Variants in HSD17B12 observed in about 807,000 individuals in gnomAD.
HSD17B12 encodes hydroxysteroid 17-beta dehydrogenase 12.
A neutral mutation model predicts 39.3 loss-of-function variants in HSD17B12; 32 were observed. That is an observed-to-expected ratio of 0.81 (90% confidence interval 0.61 to 1.09). HSD17B12 has a LOEUF of 1.09. Ranked by LOEUF, HSD17B12 falls within the 50% of genes least tolerant of loss-of-function variation. The pLI is 0.00. For missense variants in HSD17B12, 342 were observed against 382.9 expected, an observed-to-expected ratio of 0.89 and a Z score of 0.89; for synonymous variants, 150 against 146.7, an observed-to-expected ratio of 1.02 and a Z score of -0.16.
chr11:43,768,739 C>G (rs1169154305), intron 3 of HSD17B12, among the ~76,000 whole-genome samples: 1 of 152,172 alleles, frequency 6.6e-6, no homozygotes, highest in Non-Finnish European at 1.5e-5. Context: ...AACAAACATT[C>G]CACAGCACAG....
chr11:43,613,438 C>CG, the HSD17B12 span, among the ~76,000 whole-genome samples: 381 of 150,398 alleles, frequency 2.5e-3, 2 homozygotes, highest in African/African-American at 8.6e-3. Flanking sequence ...AACAAACGAA[C>CG]AACAACAACA....
chr11:43,718,485 T>C (rs112433920), intron 1 of HSD17B12, among the ~76,000 whole-genome samples: 2,844 of 152,254 alleles, frequency 0.019, 35 homozygotes, highest in Non-Finnish European at 0.025. Context: ...GTTACCTGCC[T>C]CTGTCTCCCA....
At chr11:43,560,793 GC>G in the HSD17B12 span, among the ~76,000 whole-genome samples, 1 of 152,212 alleles carries the variant, frequency 6.6e-6, no homozygotes, top group East Asian at 1.9e-4. Flanking sequence ...TGAGCCAAGG[GC>G]CCTGCAACTA....
chr11:43,720,826 T>A (rs1950169737), intron 1 of HSD17B12, among the ~76,000 whole-genome samples: 1 of 152,172 alleles, frequency 6.6e-6, no homozygotes, highest in Admixed American at 6.5e-5. Flanking sequence ...TATGGTATAT[T>A]TGGCTTGGAT....
At chr11:43,715,695 G>C (rs1950115838) in intron 1 of HSD17B12, among the ~76,000 whole-genome samples, 1 of 152,162 alleles carries the variant, frequency 6.6e-6, no homozygotes, top group Admixed American at 6.5e-5. Flanking sequence ...GTTTCAGAAG[G>C]AATGGTACCA....
At chr11:43,681,202 G>T (rs1298198255) in intron 1 of HSD17B12, 1 of 1,305,418 alleles carries the variant, frequency 7.7e-7, no homozygotes, top group Non-Finnish European at 9.8e-7. Context: ...TACACTGCTC[G>T]CTCAATCCTG....
chr11:43,617,284 A>T, the HSD17B12 span, among the ~76,000 whole-genome samples: 6 of 152,258 alleles, frequency 3.9e-5, no homozygotes, highest in African/African-American at 1.4e-4. Context: ...CATGATTGTG[A>T]TGACCCATCT....
rs186306583 is a variant in HSD17B12 at position 43,755,745 on chromosome 11, G to T, written c.283+1624G>T. On this transcript the variant is annotated intron_variant, in intron 3 of 10. Transcript: ENST00000278353. ...CCAACATACTTATGAGGTATATTTT[G>T]TTACTATTTCTTTCCAGACCATAGC... Among the ~76,000 whole-genome samples the T allele has an allele frequency of 1.8e-3, 278 of 152,194 alleles. 2 individuals carry two copies. The highest frequency in any genetic ancestry group is 6.4e-3 in the African/African-American group (265 of 41,522).
At chr11:43,783,051 G>A (rs188464982) in intron 3 of HSD17B12, among the ~76,000 whole-genome samples, 2 of 152,176 alleles carry the variant, frequency 1.3e-5, no homozygotes, top group Non-Finnish European at 2.9e-5. Context: ...TAATTGGCCT[G>A]TAATAATCAA....
chr11:43,808,869 A>G (rs1234550806), intron 4 of HSD17B12, among the ~76,000 whole-genome samples: 1 of 152,268 alleles, frequency 6.6e-6, no homozygotes, highest in African/African-American at 2.4e-5. Context: ...ATCATCTGTC[A>G]GAGTATGAAC....
rs542095880 is a variant in HSD17B12, at chr11:43,772,038, C to T, written c.283+17917C>T. Among the ~76,000 whole-genome samples the T allele has an allele frequency of 4.6e-5, 7 of 151,974 alleles. 1 individual carries two copies. Among genetic ancestry groups the T allele is most frequent in the Admixed American group, 2.6e-4 (4 of 15,256 alleles). ...CAAGTAATTGCATATATATATATAT[C>T]TCTGTCTCTCTCGAAAGCTGAACAT... On this transcript the variant is annotated intron_variant, in intron 3 of 10. Transcript: ENST00000278353.
At chr11:43,619,811 G>A in the HSD17B12 span, among the ~76,000 whole-genome samples, 1 of 152,148 alleles carries the variant, frequency 6.6e-6, no homozygotes, top group Non-Finnish European at 1.5e-5. Flanking sequence ...TTGCTTCTTG[G>A]AACATCTTCC....
At chr11:43,759,958 C>T (rs548380830) in intron 3 of HSD17B12, among the ~76,000 whole-genome samples, 1 of 151,816 alleles carries the variant, frequency 6.6e-6, no homozygotes, top group Non-Finnish European at 1.5e-5. Flanking sequence ...TTCAATGGCA[C>T]GATCTTGGCT....
At chr11:43,737,772 A>G (rs548389541) in intron 1 of HSD17B12, among the ~76,000 whole-genome samples, 250 of 152,246 alleles carry the variant, frequency 1.6e-3, no homozygotes, top group African/African-American at 5.8e-3. Flanking sequence ...AATCTTAGAG[A>G]CAAGAATAGT....
chr11:43,584,700 G>C, the HSD17B12 span: 1 of 152,342 alleles, frequency 6.6e-6, no homozygotes, highest in African/African-American at 2.4e-5. Flanking sequence ...TCAGCCCATG[G>C]TTTCTTCGCC....
the HSD17B12 span, among the ~76,000 whole-genome samples, chr11:43,572,946 C>T: frequency 6.6e-6 from 1 of 152,114 alleles, no homozygotes; most frequent in African/African-American, 2.4e-5. Flanking sequence ...AGTACATTAC[C>T]TACTGGCATT....
chr11:43,803,271 T>A (rs1387479956), intron 4 of HSD17B12, among the ~76,000 whole-genome samples: 4 of 152,162 alleles, frequency 2.6e-5, no homozygotes, highest in Non-Finnish European at 5.9e-5. Context: ...TATGATTACC[T>A]GAATTTATAG....
the HSD17B12 span, among the ~76,000 whole-genome samples, chr11:43,591,353 T>C: frequency 6.6e-6 from 1 of 152,140 alleles, no homozygotes; most frequent in Non-Finnish European, 1.5e-5. Context: ...ATCGTAGATA[T>C]TTTCCTCTCA....
At chr11:43,657,750 A>G in the HSD17B12 span, among the ~76,000 whole-genome samples, 1 of 152,212 alleles carries the variant, frequency 6.6e-6, no homozygotes, top group East Asian at 1.9e-4. Context: ...TCTGGCTTAT[A>G]GAGTTTCTGC....
Sources: allele counts gnomAD v4.1 joint callset (sites outside exome capture counted in the v4.1 genomes callset), GRCh38; gene constraint gnomAD v4.1.1; transcripts MANE v1.5; gene names NCBI Gene and HGNC (gene_info 2026-07-23, HGNC 2026-07-21).